The following PPFIA2 variants were observed in gnomAD, a reference collection of about 807,000 sequenced individuals.
The protein encoded by PPFIA2 is PPFI scaffold protein A2.
PPFIA2 carries 46 observed loss-of-function variants against 175.5 expected under a neutral mutation model. The ratio of observed to expected loss-of-function variants is 0.26; its 90% CI spans 0.21 to 0.34. The LOEUF is 0.34. Ranked by LOEUF, PPFIA2 falls within the 10% of genes least tolerant of loss-of-function variation. The pLI is 1.00. For synonymous variants in PPFIA2, 568 were observed against 511.4 expected (o/e 1.11, Z -1.49); for missense variants, 1,179 against 1,506.1 (o/e 0.78, Z 3.60).
intron 8 of PPFIA2, among the ~76,000 whole-genome samples, chr12:81,393,572 A>T (rs1330303648): frequency 6.6e-6 from 1 of 152,036 alleles, no homozygotes; most frequent in African/African-American, 2.4e-5. Flanking sequence ...TTTGACATAA[A>T]CCAGGAAACT....
In PPFIA2 at chr12:81,459,117, G is replaced by A. The variant is rs539164694; in HGVS notation, c.304-1251C>T. 2.0e-5 allele frequency among the ~76,000 whole-genome samples: 3 copies of A among 152,262 alleles called. No homozygotes were observed. In the South Asian group the frequency reaches 6.2e-4, roughly 32 times the overall value. On this transcript the variant is annotated intron_variant, in intron 4 of 32. Transcript: ENST00000549396. ...CCAAGTGAGTACTTCAAAGATCTCA[G>A]AGTAGGCTTCAGGGCTTAGATTCTA...
intron 23 of PPFIA2, among the ~76,000 whole-genome samples, chr12:81,297,041 CTG>C (rs1368446494): frequency 1.3e-5 from 2 of 152,168 alleles, no homozygotes; most frequent in Non-Finnish European, 2.9e-5. Flanking sequence ...AGCTCTCACT[CTG>C]GAGTAAGTCA....
At chr12:81,283,552 T>C (rs1046326644) in intron 25 of PPFIA2, among the ~76,000 whole-genome samples, 3 of 152,044 alleles carry the variant, frequency 2.0e-5, no homozygotes, top group Non-Finnish European at 4.4e-5. Context: ...AATTAGTACA[T>C]GACATTGGTG....
chr12:81,642,735 A>ATATTATATACATACACG, intron 4 of PPFIA2, among the ~76,000 whole-genome samples: 113 of 7,084 alleles, frequency 0.016, 34 homozygotes, highest in Non-Finnish European at 0.028. Context: ...ATACATGTAT[A>ATATTATATACATACACG]TGTATGTATG....
chr12:81,317,397 T>C (rs2052639152), intron 22 of PPFIA2, among the ~76,000 whole-genome samples: 1 of 151,470 alleles, frequency 6.6e-6, no homozygotes. Flanking sequence ...TTTAGATAGG[T>C]CTGTTTAGCT....
chr12:81,664,619 G>T (rs1398923004), intron 4 of PPFIA2, among the ~76,000 whole-genome samples: 1 of 152,110 alleles, frequency 6.6e-6, no homozygotes, highest in African/African-American at 2.4e-5. Context: ...CATTGTGGAA[G>T]TCACTGTGGC....
chr12:81,562,100 T>C (rs547365728), intron 4 of PPFIA2, among the ~76,000 whole-genome samples: 12 of 152,210 alleles, frequency 7.9e-5, no homozygotes, highest in Non-Finnish European at 1.3e-4. Context: ...CTTAAAAAGA[T>C]AGGCCTTTAT....
intron 3 of PPFIA2, among the ~76,000 whole-genome samples, chr12:81,738,667 G>C (rs146852687): frequency 2.1e-4 from 32 of 151,290 alleles, no homozygotes; most frequent in African/African-American, 7.7e-4. Context: ...GGCATGAAAG[G>C]TTGATTTAAA....
At chr12:81,289,340 A>G (rs2044289194) in intron 24 of PPFIA2, among the ~76,000 whole-genome samples, 1 of 151,870 alleles carries the variant, frequency 6.6e-6, no homozygotes, top group Non-Finnish European at 1.5e-5. Context: ...ATTTATGTTT[A>G]ATCTTGTTGA....
chr12:81,603,570 C>A (rs1381231751), intron 4 of PPFIA2, among the ~76,000 whole-genome samples: 2 of 151,386 alleles, frequency 1.3e-5, no homozygotes, highest in African/African-American at 4.8e-5. Flanking sequence ...CAAATCCATT[C>A]TAAAGAATAT....
At chr12:81,655,821 C>T (rs1332075040) in intron 4 of PPFIA2, among the ~76,000 whole-genome samples, 2 of 151,954 alleles carry the variant, frequency 1.3e-5, no homozygotes, top group South Asian at 4.1e-4. Flanking sequence ...TCTTTACAGA[C>T]TTTATATTCT....
chr12:81,280,550 T>A (rs2041850174), intron 27 of PPFIA2, among the ~76,000 whole-genome samples: 1 of 152,110 alleles, frequency 6.6e-6, no homozygotes, highest in South Asian at 2.1e-4. Context: ...TATTAACTTA[T>A]CACCACAATC....
At chr12:81,540,266 A>G (rs1476007523) in intron 4 of PPFIA2, among the ~76,000 whole-genome samples, 2 of 152,126 alleles carry the variant, frequency 1.3e-5, no homozygotes, top group Non-Finnish European at 2.9e-5. Context: ...CTTCTTTAAT[A>G]TTTAAATAGA....
intron 14 of PPFIA2, among the ~76,000 whole-genome samples, chr12:81,365,254 T>G (rs1424824317): frequency 6.6e-6 from 1 of 151,758 alleles, no homozygotes; most frequent in African/African-American, 2.4e-5. Context: ...TAATGGACTG[T>G]GAGTACAGTT....
At chr12:81,424,482 A>ACATATACAT (rs1303607579) in intron 7 of PPFIA2, among the ~76,000 whole-genome samples, 1 of 152,192 alleles carries the variant, frequency 6.6e-6, no homozygotes, top group African/African-American at 2.4e-5. Flanking sequence ...ACTGATATTT[A>ACATATACAT]CATATACATT....
chr12:81,435,023 T>C (rs2048735445), intron 7 of PPFIA2, among the ~76,000 whole-genome samples: 1 of 152,188 alleles, frequency 6.6e-6, no homozygotes. Flanking sequence ...TCATTCTTTT[T>C]ACATAGCAGA....
At position 81,663,548 on chromosome 12, in the gene PPFIA2, C is replaced by T. The variant is rs1011508955; in HGVS notation, c.303+13243G>A. 5.9e-4 allele frequency among the ~76,000 whole-genome samples: 89 copies of T among 152,120 alleles called. 2 individuals carry two copies. The highest frequency in any genetic ancestry group is 7.9e-4 in the Admixed American group (12 of 15,260). The stretch of plus-strand genomic sequence containing the variant: ...TCAACGAAATAAAAGAGGATACAAA[C>T]AAATGGAAGAACATTCCATGCTCAT... On this transcript the variant is annotated intron_variant, in intron 4 of 32. Coordinates refer to ENST00000549396, the MANE Select transcript of PPFIA2 (RefSeq NM_003625.5).
At chr12:81,662,413 C>T (rs2069091211) in intron 4 of PPFIA2, among the ~76,000 whole-genome samples, 1 of 152,278 alleles carries the variant, frequency 6.6e-6, no homozygotes, top group South Asian at 2.1e-4. Context: ...TCAGAGAATA[C>T]TATAAACACC....
At chr12:81,379,746 G>T (rs2037215452) in intron 9 of PPFIA2, among the ~76,000 whole-genome samples, 1 of 152,058 alleles carries the variant, frequency 6.6e-6, no homozygotes, top group South Asian at 2.1e-4. Context: ...AATGTAAAAT[G>T]AAATTAAATT....
Sources: allele counts gnomAD v4.1 joint callset (sites outside exome capture counted in the v4.1 genomes callset), GRCh38; gene constraint gnomAD v4.1.1; transcripts MANE v1.5; gene names NCBI Gene and HGNC (gene_info 2026-07-23, HGNC 2026-07-21).